Variants in HSD17B3 observed in about 807,000 individuals in gnomAD.
HSD17B3 encodes hydroxysteroid 17-beta dehydrogenase 3.
In HSD17B3, 29 loss-of-function variants were observed where a neutral mutation model predicts 41.1. That is an observed-to-expected ratio of 0.71 (90% confidence interval 0.53 to 0.96). The LOEUF is 0.96. Ranked by LOEUF, HSD17B3 falls within the 40% of genes least tolerant of loss-of-function variation. The pLI is 0.00. For missense variants in HSD17B3, 323 were observed against 374.6 expected (o/e 0.86, Z 1.14); for synonymous variants, 126 against 145.6 (o/e 0.87, Z 0.97).
At chr9:96,241,982 AAAG>A (rs1836465315) in intron 9 of HSD17B3, among the ~76,000 whole-genome samples, 1 of 148,070 alleles carries the variant, frequency 6.8e-6, no homozygotes, top group Non-Finnish European at 1.5e-5. Flanking sequence ...AGAAAGAAAG[AAAG>A]AAAGAAAGAA....
chr9:96,257,897 C>T (rs1332895140), intron 2 of HSD17B3, among the ~76,000 whole-genome samples: 1 of 152,148 alleles, frequency 6.6e-6, no homozygotes, highest in Non-Finnish European at 1.5e-5. Flanking sequence ...CTCCTGGGCT[C>T]AAATAATCTT....
At chr9:96,243,252 A>G (rs979075267) in intron 9 of HSD17B3, among the ~76,000 whole-genome samples, 2 of 152,216 alleles carry the variant, frequency 1.3e-5, no homozygotes, top group African/African-American at 2.4e-5. Context: ...CTCCAGCTTC[A>G]GCTGGGAGTG....
At chr9:96,262,923 T>C (rs1026674277) in intron 2 of HSD17B3, among the ~76,000 whole-genome samples, 1 of 152,214 alleles carries the variant, frequency 6.6e-6, no homozygotes, top group Non-Finnish European at 1.5e-5. Context: ...AACTGTCATA[T>C]TTATTGAGAT....
At chr9:96,290,765 C>T (rs1827125834) in intron 2 of HSD17B3, among the ~76,000 whole-genome samples, 1 of 151,448 alleles carries the variant, frequency 6.6e-6, no homozygotes, top group Admixed American at 6.6e-5. Flanking sequence ...AACCAGAAGG[C>T]AAAGTTTGCA....
intron 2 of HSD17B3, among the ~76,000 whole-genome samples, chr9:96,296,779 T>C (rs915925997): frequency 5.9e-5 from 9 of 152,180 alleles, no homozygotes; most frequent in Non-Finnish European, 1.5e-5. Flanking sequence ...CAGTGGTTCA[T>C]GCCTGTAATC....
At chr9:96,289,472 C>A (rs1001505915) in intron 2 of HSD17B3, among the ~76,000 whole-genome samples, 4 of 152,134 alleles carry the variant, frequency 2.6e-5, no homozygotes, top group African/African-American at 7.2e-5. Flanking sequence ...AATTCCCTAC[C>A]CCCACCTCTA....
intron 2 of HSD17B3, among the ~76,000 whole-genome samples, chr9:96,257,273 CT>C (rs1324690159): frequency 6.6e-5 from 10 of 152,152 alleles, no homozygotes; most frequent in African/African-American, 2.4e-4. Flanking sequence ...GGATTTTCAT[CT>C]TTTTCTATTT....
intron 10 of HSD17B3, among the ~76,000 whole-genome samples, chr9:96,238,206 ATGTT>A (rs2130699825): frequency 6.6e-6 from 1 of 152,282 alleles, no homozygotes; most frequent in Admixed American, 6.5e-5. Flanking sequence ...TAAAAATAAA[ATGTT>A]TATTTTTCTA....
rs541625100 is a variant in HSD17B3, at chr9:96,250,766, C to T, written c.453+652G>A. On this transcript the variant is annotated intron_variant, in intron 5 of 10. Coordinates refer to ENST00000375263, the MANE Select transcript of HSD17B3 (RefSeq NM_000197.2). ...AGCTGGGCGTGGTGGCAGGCGCCTGCAGTCCCAGCTACTCAGGAGGCTGAG... is the reference window on the plus strand; with the variant it reads ...AGCTGGGCGTGGTGGCAGGCGCCTGTAGTCCCAGCTACTCAGGAGGCTGAG... Among the ~76,000 whole-genome samples, 218 of 151,734 alleles carry T rather than the reference C, an allele frequency of 1.4e-3. 1 individual carries two copies. Among genetic ancestry groups the T allele is most frequent in the African/African-American group, 4.7e-3 (194 of 41,390 alleles).
At chr9:96,262,791 T>C (rs1053826275) in intron 2 of HSD17B3, among the ~76,000 whole-genome samples, 1 of 152,198 alleles carries the variant, frequency 6.6e-6, no homozygotes, top group African/African-American at 2.4e-5. Flanking sequence ...ATTGCTTCCA[T>C]TCCTTTTCTT....
At chr9:96,282,960 A>G (rs991533913) in intron 2 of HSD17B3, among the ~76,000 whole-genome samples, 1 of 150,768 alleles carries the variant, frequency 6.6e-6, no homozygotes, top group African/African-American at 2.4e-5. Context: ...CTGTAAACTC[A>G]ACATTGGAAT....
intron 2 of HSD17B3, among the ~76,000 whole-genome samples, chr9:96,255,421 G>A (rs527780226): frequency 8.2e-4 from 74 of 90,466 alleles, no homozygotes; most frequent in Non-Finnish European, 1.4e-3. Flanking sequence ...ATAGAGTCTT[G>A]CTCTGTTGCC....
At chr9:96,267,558 G>A (rs752192586) in intron 2 of HSD17B3, among the ~76,000 whole-genome samples, 5 of 151,824 alleles carry the variant, frequency 3.3e-5, no homozygotes, top group East Asian at 1.9e-4. Flanking sequence ...ATTCAAAAAC[G>A]TAAAACATTT....
chr9:96,262,945 T>C (rs1825916296), intron 2 of HSD17B3, among the ~76,000 whole-genome samples: 1 of 152,234 alleles, frequency 6.6e-6, no homozygotes, highest in Non-Finnish European at 1.5e-5. Context: ...GCAGATTTGT[T>C]ATACTAACTT....
At chr9:96,267,177 G>C (rs935147146) in intron 2 of HSD17B3, among the ~76,000 whole-genome samples, 2 of 143,396 alleles carry the variant, frequency 1.4e-5, no homozygotes, top group Non-Finnish European at 3.0e-5. Flanking sequence ...TTTTTTTTGA[G>C]ATGGAGTCTT....
intron 2 of HSD17B3, among the ~76,000 whole-genome samples, chr9:96,294,269 A>T (rs1251109558): frequency 2.6e-5 from 4 of 152,072 alleles, no homozygotes; most frequent in South Asian, 2.1e-4. Flanking sequence ...AAAATTAAAT[A>T]AAAAGGCAAA....
intron 9 of HSD17B3, among the ~76,000 whole-genome samples, chr9:96,242,234 T>C (rs533316975): frequency 2.0e-5 from 3 of 152,258 alleles, no homozygotes; most frequent in South Asian, 4.1e-4. Context: ...ATATAAGGAG[T>C]GTGCTTTCTC....
chr9:96,286,737 C>A (rs529728753), intron 2 of HSD17B3, among the ~76,000 whole-genome samples: 17 of 152,002 alleles, frequency 1.1e-4, no homozygotes, highest in Admixed American at 2.6e-4. Flanking sequence ...TGACAGTGAC[C>A]TCTGGTCATC....
At chr9:96,295,500 A>C (rs1827326118) in intron 2 of HSD17B3, among the ~76,000 whole-genome samples, 1 of 151,654 alleles carries the variant, frequency 6.6e-6, no homozygotes, top group South Asian at 2.1e-4. Context: ...ACACCCAGCT[A>C]ATTTTTGTAT....
Sources: allele counts gnomAD v4.1 joint callset (sites outside exome capture counted in the v4.1 genomes callset), GRCh38; gene constraint gnomAD v4.1.1; transcripts MANE v1.5; gene names NCBI Gene and HGNC (gene_info 2026-07-23, HGNC 2026-07-21).